PRIM2: variants seen among roughly 807,000 people sequenced by gnomAD.
PRIM2 encodes DNA primase subunit 2, also known as DNA primase large subunit.
In PRIM2, 39 loss-of-function variants were observed where a neutral mutation model predicts 67.3. That is an observed-to-expected ratio of 0.58 (90% CI 0.45 to 0.76). The LOEUF (loss-of-function observed/expected upper bound fraction) is 0.76, where lower values mean the gene tolerates loss of function less well. Ranked by LOEUF, PRIM2 falls within the 30% of genes least tolerant of loss-of-function variation. The probability of loss-of-function intolerance (pLI) is 0.00; values close to 1 mark genes in which losing one functional copy is unlikely to be tolerated. For synonymous variants in PRIM2, 143 were observed against 198.7 expected (o/e 0.72, Z 2.36); for missense variants, 398 against 598.7 (o/e 0.66, Z 3.50).
intron 7 of PRIM2, among the ~76,000 whole-genome samples, chr6:57,475,337 C>G (rs1400916086): frequency 1.3e-5 from 2 of 152,116 alleles, no homozygotes; most frequent in African/African-American, 4.8e-5. Flanking sequence ...CAAAAGAAAC[C>G]CTGTAACTAT....
intron 5 of PRIM2, among the ~76,000 whole-genome samples, chr6:57,355,416 G>C (rs1195313556): frequency 6.6e-6 from 1 of 152,124 alleles, no homozygotes; most frequent in Non-Finnish European, 1.5e-5. Context: ...ATATCTAAGA[G>C]ATGTGGCAGG....
intron 10 of PRIM2, among the ~76,000 whole-genome samples, chr6:57,579,315 C>G (rs1369973091): frequency 6.6e-6 from 1 of 151,914 alleles, no homozygotes. Context: ...TTTTTTTTGT[C>G]CTTGAAATTG....
At chr6:57,274,452 G>T in the PRIM2 span, among the ~76,000 whole-genome samples, 6 of 152,344 alleles carry the variant, frequency 3.9e-5, no homozygotes, top group South Asian at 1.2e-3. Context: ...ATCTCCTGGT[G>T]TACCGTTTTT....
At chr6:57,437,682 T>C (rs866807554) in intron 7 of PRIM2, among the ~76,000 whole-genome samples, 4,975 of 150,016 alleles carry the variant, frequency 0.033, 190 homozygotes, top group African/African-American at 0.11. Flanking sequence ...TTTTTTTTTT[T>C]TAAGACAGGG....
chr6:57,639,702 A>C (rs1777195195), intron 13 of PRIM2, among the ~76,000 whole-genome samples: 2 of 148,932 alleles, frequency 1.3e-5, no homozygotes, highest in South Asian at 4.3e-4. Context: ...CAAATCCCTG[A>C]ATAGACTAAT....
chr6:57,470,094 A>G (rs1428297654), intron 7 of PRIM2, among the ~76,000 whole-genome samples: 1 of 152,198 alleles, frequency 6.6e-6, no homozygotes, highest in Non-Finnish European at 1.5e-5. Flanking sequence ...TTATCGTTGG[A>G]CAAATGGTGT....
upstream of PRIM2, among the ~76,000 whole-genome samples, chr6:57,311,247 A>AGAGGCGCCCC (rs1767382236): frequency 5.9e-5 from 1 of 16,980 alleles, no homozygotes; most frequent in African/African-American, 2.2e-4. Flanking sequence ...CGGACGGGGC[A>AGAGGCGCCCC]TCCGGGCAGA....
At chr6:57,260,014 CTG>C in the PRIM2 span, among the ~76,000 whole-genome samples, 1 of 152,158 alleles carries the variant, frequency 6.6e-6, no homozygotes, top group Admixed American at 6.5e-5. Flanking sequence ...CCATTTTTTT[CTG>C]TGTCAATCTT....
chr6:57,432,924 A>T (rs1029762843), intron 7 of PRIM2, among the ~76,000 whole-genome samples: 8 of 152,366 alleles, frequency 5.3e-5, no homozygotes, highest in African/African-American at 1.9e-4. Context: ...TAGGACTTTT[A>T]GTTCACAATA....
intron 7 of PRIM2, among the ~76,000 whole-genome samples, chr6:57,406,330 G>C (rs1770890962): frequency 6.6e-6 from 1 of 152,046 alleles, no homozygotes; most frequent in African/African-American, 2.4e-5. Flanking sequence ...TTCTAATTCT[G>C]TACCTTCAAT....
chr6:57,608,688 T>A lies in PRIM2; in HGVS notation c.1230+2231T>A, dbSNP rs1420807347. On this transcript the variant is annotated intron_variant, in intron 12 of 13. Transcript: ENST00000615550. ...TGATCATGCCACTGCACTCCAGCAT[T>A]GGCAATGGAGTGAGACCCTGTCTCA... 1.1e-3 allele frequency among the ~76,000 whole-genome samples: 160 copies of A among 147,952 alleles called. 1 individual carries two copies. The highest frequency in any genetic ancestry group is 1.8e-4 in the Non-Finnish European group (12 of 67,278).
At chr6:57,585,387 G>A (rs1241350373) in intron 10 of PRIM2, among the ~76,000 whole-genome samples, 1 of 152,208 alleles carries the variant, frequency 6.6e-6, no homozygotes, top group Non-Finnish European at 1.5e-5. Flanking sequence ...TACTGTAATA[G>A]GGGAAGAGAG....
At chr6:57,473,439 T>C (rs1773386858) in intron 7 of PRIM2, among the ~76,000 whole-genome samples, 1 of 152,198 alleles carries the variant, frequency 6.6e-6, no homozygotes, top group Non-Finnish European at 1.5e-5. Flanking sequence ...TAGATTAACC[T>C]GGAAAACTTT....
chr6:57,573,617 A>C (rs1775903383), intron 10 of PRIM2, among the ~76,000 whole-genome samples: 1 of 152,166 alleles, frequency 6.6e-6, no homozygotes, highest in Non-Finnish European at 1.5e-5. Flanking sequence ...AAGCTTTTAA[A>C]GATTATATAT....
At chr6:57,263,625 G>T in the PRIM2 span, among the ~76,000 whole-genome samples, 1 of 152,102 alleles carries the variant, frequency 6.6e-6, no homozygotes, top group African/African-American at 2.4e-5. Flanking sequence ...GTCACATTCT[G>T]GGATCCTGAG....
chr6:57,270,155 C>T, the PRIM2 span, among the ~76,000 whole-genome samples: 2 of 151,736 alleles, frequency 1.3e-5, no homozygotes, highest in Non-Finnish European at 2.9e-5. Context: ...TAGTTTTTTC[C>T]AATTCTGTGA....
chr6:57,555,173 A>G (rs1463463334), intron 10 of PRIM2, among the ~76,000 whole-genome samples: 3 of 152,214 alleles, frequency 2.0e-5, no homozygotes, highest in African/African-American at 4.8e-5. Context: ...TTTAAAGTAA[A>G]CTTGCTATCC....
rs573250280 is a variant in PRIM2 at position 57,354,326 on chromosome 6, A to C, written c.460-25575A>C. ...GGAGTTGAATGAGAAAACTGAAATT[A>C]AGTATTTTTCTTCTGAGTATTGTGT... On this transcript the variant is annotated intron_variant, in intron 5 of 13. Transcript: ENST00000615550. Among the ~76,000 whole-genome samples, 53 of 152,296 alleles carry C rather than the reference A, an allele frequency of 3.5e-4. 1 individual carries two copies. The South Asian group carries it at 0.01, about 29-fold the overall frequency.
chr6:57,520,467 C>A (rs1328371709), intron 8 of PRIM2, among the ~76,000 whole-genome samples: 1 of 152,158 alleles, frequency 6.6e-6, no homozygotes, highest in African/African-American at 2.4e-5. Flanking sequence ...TATTTGGGTT[C>A]ATTATATTAC....
Sources: allele counts gnomAD v4.1 joint callset (sites outside exome capture counted in the v4.1 genomes callset), GRCh38; gene constraint gnomAD v4.1.1; transcripts MANE v1.5; gene names NCBI Gene and HGNC (gene_info 2026-07-23, HGNC 2026-07-21).